Variants in CNNM2 observed in about 807,000 individuals in gnomAD.
CNNM2 encodes metal transporter CNNM2.
Under a neutral mutation model 66.9 loss-of-function variants are expected in CNNM2, and 12 were observed. The ratio of observed to expected loss-of-function variants is 0.18; its 90% CI spans 0.11 to 0.29. The LOEUF (loss-of-function observed/expected upper bound fraction) is 0.29. Ranked by LOEUF, CNNM2 falls within the 10% of genes least tolerant of loss-of-function variation. The pLI is 1.00. For missense variants in CNNM2, 705 were observed against 1,167.7 expected (o/e 0.60, Z 5.77); for synonymous variants, 557 against 501.8 (o/e 1.11, Z -1.47).
chr10:103,075,997 C>A, intron 6 of CNNM2, 89 bp from the exon 7 acceptor site: 1 of 1,209,528 alleles, frequency 8.3e-7, no homozygotes, highest in Non-Finnish European at 1.2e-6. Context: ...GCTTGTGTGG[C>A]ATTTAGTATT....
chr10:102,923,603 T>C (rs1268921286), intron 1 of CNNM2, among the ~76,000 whole-genome samples: 1 of 152,144 alleles, frequency 6.6e-6, no homozygotes, highest in African/African-American at 2.4e-5. Context: ...TGTTGGGCAA[T>C]AGAAAAGAAA....
chr10:103,061,517 G>A (rs1309208948), intron 4 of CNNM2, among the ~76,000 whole-genome samples: 9 of 151,622 alleles, frequency 5.9e-5, no homozygotes, highest in Admixed American at 5.3e-4. Flanking sequence ...TGTGATAAAA[G>A]GAAAAAAAAG....
intron 1 of CNNM2, among the ~76,000 whole-genome samples, chr10:102,994,457 A>C (rs2063952182): frequency 6.6e-6 from 1 of 152,252 alleles, no homozygotes; most frequent in African/African-American, 2.4e-5. Flanking sequence ...CTTGGGGAAC[A>C]CATTAGTGAA....
chr10:102,927,720 A>T (rs1845920492), intron 1 of CNNM2: 1 of 282,300 alleles, frequency 3.5e-6, no homozygotes, highest in Admixed American at 4.8e-5. Context: ...AGCTGAGATC[A>T]CGTCACTGGA....
intron 1 of CNNM2, among the ~76,000 whole-genome samples, chr10:102,939,546 G>A (rs1481949915): frequency 6.6e-6 from 1 of 152,012 alleles, no homozygotes; most frequent in Non-Finnish European, 1.5e-5. Flanking sequence ...TTCTTTTTAG[G>A]TTCTTGATTT....
At chr10:102,931,652 C>T (rs1027614049) in intron 1 of CNNM2, among the ~76,000 whole-genome samples, 9 of 151,844 alleles carry the variant, frequency 5.9e-5, no homozygotes, top group African/African-American at 1.9e-4. Flanking sequence ...TCACAGCGCC[C>T]GGCCATGGAC....
intron 6 of CNNM2, among the ~76,000 whole-genome samples, chr10:103,072,197 A>G (rs1025823489): frequency 6.6e-6 from 1 of 152,150 alleles, no homozygotes; most frequent in Non-Finnish European, 1.5e-5. Context: ...TCAGCAAGTC[A>G]TGGTATCTGG....
intron 4 of CNNM2, among the ~76,000 whole-genome samples, chr10:103,066,503 C>T (rs201729727): frequency 6.6e-6 from 1 of 152,216 alleles, no homozygotes; most frequent in East Asian, 1.9e-4. Context: ...GGACCCAACC[C>T]TGCCAGCCCA....
intron 4 of CNNM2, among the ~76,000 whole-genome samples, chr10:103,062,675 T>A (rs1306628770): frequency 6.6e-6 from 1 of 152,222 alleles, no homozygotes; most frequent in African/African-American, 2.4e-5. Context: ...GCTGCTGCCC[T>A]GCGAGCTCCC....
chr10:103,007,392 A>AT (rs2064249099), intron 1 of CNNM2, among the ~76,000 whole-genome samples: 1 of 152,106 alleles, frequency 6.6e-6, no homozygotes, highest in Admixed American at 6.6e-5. Flanking sequence ...CTGACCTCAG[A>AT]TTTACCAGGG....
intron 1 of CNNM2, among the ~76,000 whole-genome samples, chr10:102,926,712 A>ATTTTTTTTT (rs376861078): frequency 8.8e-6 from 1 of 113,804 alleles, no homozygotes; most frequent in Non-Finnish European, 1.7e-5. Context: ...CACCCAGCTA[A>ATTTTTTTTT]TTTTTTTTTT....
chr10:102,928,079 G>GT (rs1416048855), intron 1 of CNNM2, among the ~76,000 whole-genome samples: 4 of 152,094 alleles, frequency 2.6e-5, no homozygotes, highest in African/African-American at 9.7e-5. Flanking sequence ...TTAACCCTAA[G>GT]TTTTTTTCAA....
At chr10:102,974,605 C>G (rs563112291) in intron 1 of CNNM2, among the ~76,000 whole-genome samples, 1 of 151,980 alleles carries the variant, frequency 6.6e-6, no homozygotes, top group East Asian at 1.9e-4. Flanking sequence ...AGGGTCTTGC[C>G]CTGTAGCCCA....
chr10:102,940,791 G>A (rs574229576), intron 1 of CNNM2, among the ~76,000 whole-genome samples: 1 of 151,898 alleles, frequency 6.6e-6, no homozygotes, highest in African/African-American at 2.4e-5. Context: ...GCACTATCTT[G>A]GCTCACTGAA....
chr10:103,072,264 T>C (rs1208209506), intron 6 of CNNM2, among the ~76,000 whole-genome samples: 1 of 152,186 alleles, frequency 6.6e-6, no homozygotes. Context: ...AGAGCACATT[T>C]GCCAAAGGCC....
At chr10:103,044,642 G>T (rs57807139) in intron 1 of CNNM2, among the ~76,000 whole-genome samples, 55 of 152,300 alleles carry the variant, frequency 3.6e-4, no homozygotes, top group African/African-American at 1.3e-3. Flanking sequence ...GTGGGAAGGT[G>T]CATGGAATCA....
chr10:103,014,917 G>GACTA (rs1186860167), intron 1 of CNNM2, among the ~76,000 whole-genome samples: 3 of 151,746 alleles, frequency 2.0e-5, no homozygotes, highest in Non-Finnish European at 4.4e-5. Context: ...TTATAAACTT[G>GACTA]ACTAGAATTC....
At chr10:102,981,505 T>G (rs1238283136) in intron 1 of CNNM2, among the ~76,000 whole-genome samples, 2 of 151,860 alleles carry the variant, frequency 1.3e-5, no homozygotes, top group Non-Finnish European at 2.9e-5. Context: ...TCCTCCCACC[T>G]CAGCCTCCCG....
intron 1 of CNNM2, among the ~76,000 whole-genome samples, chr10:103,041,886 G>A (rs2065046629): frequency 6.6e-6 from 1 of 152,024 alleles, no homozygotes; most frequent in Non-Finnish European, 1.5e-5. Flanking sequence ...GCTTAGCGCT[G>A]GCTCTTTTCG....
Sources: gnomAD v4.1 joint callset for allele counts (sites outside exome capture counted in the v4.1 genomes callset) on GRCh38, gnomAD v4.1.1 for gene constraint, MANE v1.5 for transcripts, NCBI Gene and HGNC (gene_info 2026-07-23, HGNC 2026-07-21) for gene names.